Variants in ZFYVE9 observed in about 807,000 individuals in gnomAD.
ZFYVE9 encodes zinc finger FYVE domain-containing protein 9.
A neutral mutation model predicts 126.7 loss-of-function variants in ZFYVE9; 43 were observed. The ratio of observed to expected loss-of-function variants is 0.34; its 90% CI spans 0.27 to 0.44. The LOEUF is 0.44. ZFYVE9 is among the 20% of genes least tolerant of loss of function. ZFYVE9 has a pLI of 1.00. For synonymous variants in ZFYVE9, 521 were observed against 597.4 expected (o/e 0.87, Z 1.87); for missense variants, 1,476 against 1,697.0 (o/e 0.87, Z 2.29).
intron 2 of ZFYVE9, among the ~76,000 whole-genome samples, chr1:52,222,026 A>G (rs557120420): frequency 5.9e-5 from 9 of 152,300 alleles, no homozygotes; most frequent in African/African-American, 2.2e-4. Flanking sequence ...TTTGGGTCCT[A>G]TCTTTCGTTT....
intron 2 of ZFYVE9, among the ~76,000 whole-genome samples, chr1:52,226,451 G>A (rs967358473): frequency 2.0e-5 from 3 of 152,196 alleles, no homozygotes; most frequent in South Asian, 2.1e-4. Context: ...CAGGAGAATC[G>A]CTTGAACCCA....
At chr1:52,206,505 C>T (rs1644979195) in intron 1 of ZFYVE9, among the ~76,000 whole-genome samples, 1 of 152,060 alleles carries the variant, frequency 6.6e-6, no homozygotes, top group African/African-American at 2.4e-5. Context: ...AGAAACAGAA[C>T]CAGAAGGAGA....
At chr1:52,261,473 A>G (rs2147794858) in intron 4 of ZFYVE9, among the ~76,000 whole-genome samples, 1 of 152,270 alleles carries the variant, frequency 6.6e-6, no homozygotes, top group Middle Eastern at 3.4e-3. Flanking sequence ...GAAGGCAAGG[A>G]CCATGTCCGT....
At chr1:52,281,394 A>G (rs985947460) in intron 9 of ZFYVE9, among the ~76,000 whole-genome samples, 11 of 152,168 alleles carry the variant, frequency 7.2e-5, no homozygotes, top group African/African-American at 2.4e-4. Flanking sequence ...CGGCCTCCCA[A>G]AGTGCTGGGA....
intron 4 of ZFYVE9, among the ~76,000 whole-genome samples, chr1:52,261,079 C>T (rs1645575288): frequency 6.6e-6 from 1 of 152,132 alleles, no homozygotes; most frequent in African/African-American, 2.4e-5. Flanking sequence ...ACCCATCCTT[C>T]AGATTTGATG....
Position 52,309,339 on chromosome 1 carries a change from A to T in ZFYVE9, c.3438+5414A>T, listed in dbSNP as rs186487219. Among the ~76,000 whole-genome samples the T allele has an allele frequency of 5.9e-4, 90 of 152,224 alleles. 1 individual carries two copies. In the East Asian group the frequency reaches 0.015, roughly 25 times the overall value. On this transcript the variant is annotated intron_variant, in intron 13 of 18. Transcript: ENST00000287727. ...AAAAAATACAAAAAATTAGCTGGGC[A>T]TGGTGGCGCATGCCCCGTAGTCCCA...
chr1:52,213,529 G>A (rs1645046024), intron 1 of ZFYVE9, among the ~76,000 whole-genome samples: 1 of 152,056 alleles, frequency 6.6e-6, no homozygotes, highest in African/African-American at 2.4e-5. Context: ...GCGTGCATCT[G>A]TAGTCCCAGC....
intron 12 of ZFYVE9, among the ~76,000 whole-genome samples, chr1:52,296,837 A>G (rs1557506540): frequency 6.6e-6 from 1 of 152,156 alleles, no homozygotes; most frequent in East Asian, 1.9e-4. Context: ...ATTTTGTTTG[A>G]GACAGAGTCT....
chr1:52,253,162 A>C (rs1282632666), intron 4 of ZFYVE9, among the ~76,000 whole-genome samples: 2 of 152,230 alleles, frequency 1.3e-5, no homozygotes. Context: ...TCAAAAAAGA[A>C]AGAAAAACAC....
intron 1 of ZFYVE9, among the ~76,000 whole-genome samples, chr1:52,198,120 G>GTT (rs373096573): frequency 0.63 from 69,074 of 110,430 alleles, 25,172 homozygotes; most frequent in Middle Eastern, 0.74. Flanking sequence ...GTTTTTTTTT[G>GTT]TTTGTTTTTT....
At chr1:52,253,702 C>T in intron 4 of ZFYVE9, 1 of 1,604,480 alleles carries the variant, frequency 6.2e-7, no homozygotes, top group Non-Finnish European at 8.5e-7. Context: ...AATTGGGTCA[C>T]AAGCTGTTTG....
At chr1:52,276,154 C>T (rs543256077) in intron 8 of ZFYVE9, among the ~76,000 whole-genome samples, 1 of 152,214 alleles carries the variant, frequency 6.6e-6, no homozygotes, top group Non-Finnish European at 1.5e-5. Flanking sequence ...GATTTGCCCA[C>T]CTCGGCCTCC....
intron 13 of ZFYVE9, among the ~76,000 whole-genome samples, chr1:52,311,864 C>CA (rs1320365272): frequency 6.6e-6 from 1 of 151,960 alleles, no homozygotes; most frequent in African/African-American, 2.4e-5. Context: ...AATCTTGGCT[C>CA]AGTGCAACTT....
At chr1:52,157,591 G>A (rs149841571) in intron 1 of ZFYVE9, among the ~76,000 whole-genome samples, 4 of 151,512 alleles carry the variant, frequency 2.6e-5, no homozygotes, top group African/African-American at 7.3e-5. Context: ...TAGTAGAGAC[G>A]GGGGTTTTCA....
intron 13 of ZFYVE9, among the ~76,000 whole-genome samples, chr1:52,315,891 C>T (rs192054246): frequency 9.9e-5 from 15 of 152,216 alleles, no homozygotes; most frequent in South Asian, 2.1e-4. Context: ...CGGGGCTGGG[C>T]GTGATGGCTC....
Position 52,327,068 on chromosome 1 carries a change from G to A in ZFYVE9, c.3439-5700G>A, listed in dbSNP as rs1276440633. Among the ~76,000 whole-genome samples, 3 of 152,190 alleles carry A rather than the reference G, an allele frequency of 2.0e-5. No individual in the cohort carries two copies. In the East Asian group the frequency reaches 5.8e-4, roughly 29 times the overall value. On this transcript the variant is annotated intron_variant, in intron 13 of 18. Coordinates refer to ENST00000287727, the MANE Select transcript of ZFYVE9 (RefSeq NM_004799.4). ...CCCAGCTACTCGGGAGGCTGAGGTA[G>A]GAGAATCGCTTGAACCCAGGAGGCG...
chr1:52,290,956 A>G (rs779612593), intron 10 of ZFYVE9, among the ~76,000 whole-genome samples: 2 of 152,314 alleles, frequency 1.3e-5, no homozygotes, highest in South Asian at 4.1e-4. Flanking sequence ...AACTTGCCCC[A>G]GATCCCACAA....
chr1:52,163,276 C>A (rs561003108), intron 1 of ZFYVE9, among the ~76,000 whole-genome samples: 1 of 152,210 alleles, frequency 6.6e-6, no homozygotes, highest in East Asian at 1.9e-4. Flanking sequence ...TCAGTTTCTT[C>A]ATGAACATTA....
chr1:52,334,083 A>G (rs1001435131), intron 14 of ZFYVE9, among the ~76,000 whole-genome samples: 17 of 147,760 alleles, frequency 1.2e-4, no homozygotes, highest in African/African-American at 4.3e-4. Context: ...ACAGAGCGAG[A>G]CTCCGTCTCA....
Sources: allele counts gnomAD v4.1 joint callset (sites outside exome capture counted in the v4.1 genomes callset), GRCh38; gene constraint gnomAD v4.1.1; transcripts MANE v1.5; gene names NCBI Gene and HGNC (gene_info 2026-07-23, HGNC 2026-07-21).